The following RIN3 variants were observed in gnomAD, a reference collection of about 807,000 sequenced individuals.
The protein encoded by RIN3 is Ras and Rab interactor 3.
RIN3 carries 54 observed loss-of-function variants against 76.3 expected under a neutral mutation model. The observed-to-expected ratio is 0.71, with a 90% CI of 0.57 to 0.89. RIN3 has a LOEUF of 0.89. RIN3 is among the 40% of genes least tolerant of loss of function. RIN3 has a pLI of 0.00. For synonymous variants in RIN3, 576 were observed against 564.0 expected (o/e 1.02, Z -0.30); for missense variants, 1,256 against 1,322.1 (o/e 0.95, Z 0.78).
intron 4 of RIN3, among the ~76,000 whole-genome samples, chr14:92,619,369 CA>C (rs565793889): frequency 1.5e-5 from 2 of 137,750 alleles, no homozygotes; most frequent in Non-Finnish European, 3.1e-5. Flanking sequence ...TAACCTTTTA[CA>C]AAAAAAAACA....
chr14:92,618,895 C>T (rs1344536862), intron 4 of RIN3, among the ~76,000 whole-genome samples: 1 of 152,178 alleles, frequency 6.6e-6, no homozygotes, highest in Non-Finnish European at 1.5e-5. Context: ...GGTGGCCATC[C>T]TGGTTCTCCA....
At chr14:92,640,212 GAC>G in intron 4 of RIN3, among the ~76,000 whole-genome samples, 5 of 85,408 alleles carry the variant, frequency 5.9e-5, no homozygotes, top group South Asian at 4.4e-4. Flanking sequence ...GGGGCTGCCT[GAC>G]TGTGCGTTTG....
chr14:92,566,454 C>T (rs1897918229), intron 2 of RIN3, among the ~76,000 whole-genome samples: 1 of 152,086 alleles, frequency 6.6e-6, no homozygotes, highest in Non-Finnish European at 1.5e-5. Context: ...CTTTATTGAC[C>T]ACCCGTGATG....
chr14:92,617,026 C>T (rs1885994305), intron 4 of RIN3, among the ~76,000 whole-genome samples: 2 of 152,168 alleles, frequency 1.3e-5, no homozygotes, highest in South Asian at 2.1e-4. Flanking sequence ...TGGCCAGGCA[C>T]GGTGGCCCAC....
chr14:92,537,837 A>ATTTTATTTTATT (rs34059728), intron 1 of RIN3, among the ~76,000 whole-genome samples: 1 of 120,782 alleles, frequency 8.3e-6, no homozygotes. Flanking sequence ...ATTTTATTTT[A>ATTTTATTTTATT]TTTATTTTTT....
At chr14:92,594,489 A>G (rs190688598) in intron 3 of RIN3, among the ~76,000 whole-genome samples, 2 of 152,298 alleles carry the variant, frequency 1.3e-5, no homozygotes, top group African/African-American at 4.8e-5. Context: ...CCACAAGGGA[A>G]TTAAACTAGA....
intron 6 of RIN3, among the ~76,000 whole-genome samples, 161 bp from the exon 7 acceptor site, chr14:92,659,000 G>A (rs944143939): frequency 3.9e-5 from 6 of 152,166 alleles, no homozygotes; most frequent in East Asian, 3.9e-4. Flanking sequence ...TGAATAAACT[G>A]TGCTCTCTCA....
At chr14:92,599,352 T>C (rs1410800237) in intron 3 of RIN3, among the ~76,000 whole-genome samples, 1 of 152,112 alleles carries the variant, frequency 6.6e-6, no homozygotes, top group East Asian at 1.9e-4. Context: ...CAGGCAGTTA[T>C]GGCAGACATG....
intron 1 of RIN3, among the ~76,000 whole-genome samples, chr14:92,554,497 G>A (rs1363720504): frequency 6.6e-6 from 1 of 152,156 alleles, no homozygotes; most frequent in Non-Finnish European, 1.5e-5. Flanking sequence ...GAACTTTCTA[G>A]AACTGTCCTA....
chr14:92,633,086 G>A (rs925812428), intron 4 of RIN3, among the ~76,000 whole-genome samples: 24 of 152,322 alleles, frequency 1.6e-4, no homozygotes, highest in East Asian at 5.8e-4. Context: ...GGCCCTATGC[G>A]GAGGTGACTG....
At chr14:92,611,318 G>A (rs763492777) in intron 3 of RIN3, among the ~76,000 whole-genome samples, 2 of 151,856 alleles carry the variant, frequency 1.3e-5, no homozygotes, top group South Asian at 2.1e-4. Context: ...ACAGAGTCTC[G>A]CTCTATCCCC....
At chr14:92,573,443 T>C (rs1269414752) in intron 2 of RIN3, among the ~76,000 whole-genome samples, 1 of 152,162 alleles carries the variant, frequency 6.6e-6, no homozygotes, top group Non-Finnish European at 1.5e-5. Flanking sequence ...ATTAAATCAT[T>C]GGCCATGTGA....
intron 3 of RIN3, among the ~76,000 whole-genome samples, chr14:92,602,475 C>T (rs1268943583): frequency 1.3e-5 from 2 of 152,190 alleles, no homozygotes; most frequent in Admixed American, 1.3e-4. Flanking sequence ...GGCTGGCGGG[C>T]CATGGTCACA....
At chr14:92,604,347 G>A (rs1412548467) in intron 3 of RIN3, among the ~76,000 whole-genome samples, 2 of 152,208 alleles carry the variant, frequency 1.3e-5, no homozygotes, top group African/African-American at 4.8e-5. Flanking sequence ...AAGATGTAGT[G>A]CCCCTTTTAG....
At chr14:92,603,543 G>A (rs1201982419) in intron 3 of RIN3, among the ~76,000 whole-genome samples, 2 of 152,200 alleles carry the variant, frequency 1.3e-5, no homozygotes, top group Non-Finnish European at 2.9e-5. Context: ...GAGTCTCATG[G>A]TATGTGGTTG....
rs1222204273 is a variant in RIN3 at position 92,681,196 on chromosome 14, C to T, written c.2468-3791C>T. ...AGTGGGTTTTTCCAATCAACGCATT[C>T]GCCCCAGAGAGAAAAGCCTGCTCCA... On this transcript the variant is annotated intron_variant, in intron 8 of 9. Transcript: ENST00000216487. This position sits in a 1 kb window ranked among gnomAD's most constrained non-coding sequence, Gnocchi z 4.7. Among the ~76,000 whole-genome samples, 3 of 152,172 alleles carry T rather than the reference C, an allele frequency of 2.0e-5. No homozygotes were observed. Among genetic ancestry groups the T allele is most frequent in the Admixed American group, 6.5e-5 (1 of 15,274 alleles).
intron 3 of RIN3, among the ~76,000 whole-genome samples, chr14:92,584,823 C>T (rs1283854151): frequency 2.0e-5 from 3 of 152,110 alleles, no homozygotes; most frequent in African/African-American, 7.2e-5. Context: ...CAGGTGATGG[C>T]GTCTTTCTGC....
intron 3 of RIN3, among the ~76,000 whole-genome samples, chr14:92,604,381 G>A (rs1885451881): frequency 6.6e-6 from 1 of 152,242 alleles, no homozygotes; most frequent in African/African-American, 2.4e-5. Flanking sequence ...AATCCATTAG[G>A]ATTGAATTCT....
chr14:92,528,162 T>G (rs1896793636), intron 1 of RIN3, among the ~76,000 whole-genome samples: 1 of 152,096 alleles, frequency 6.6e-6, no homozygotes. Flanking sequence ...CACTGGAGTG[T>G]ATTGAGGAGG....
Sources: gnomAD v4.1 joint callset for allele counts (sites outside exome capture counted in the v4.1 genomes callset) on GRCh38, gnomAD v4.1.1 for gene constraint, Gnocchi (gnomAD v3.1) non-coding constraint, MANE v1.5 for transcripts, NCBI Gene and HGNC (gene_info 2026-07-23, HGNC 2026-07-21) for gene names.